The following COX7B2 variants were observed in gnomAD, a reference collection of about 807,000 sequenced individuals.
The protein encoded by COX7B2 is cytochrome c oxidase subunit 7B2, also known as cytochrome c oxidase subunit 7B2, mitochondrial.
For synonymous variants in COX7B2, 37 were observed against 32.1 expected (o/e 1.15, Z -0.51); for missense variants, 109 against 95.9 (o/e 1.14, Z -0.57).
chr4:46,821,915 T>G (rs555804548), intron 2 of COX7B2, among the ~76,000 whole-genome samples: 1 of 152,154 alleles, frequency 6.6e-6, no homozygotes, highest in East Asian at 1.9e-4. Context: ...GTTTTGTTTG[T>G]TTGTTTGTTT....
intron 2 of COX7B2, among the ~76,000 whole-genome samples, chr4:46,834,948 C>A (rs748358282): frequency 2.0e-5 from 3 of 151,880 alleles, no homozygotes; most frequent in Non-Finnish European, 4.4e-5. Flanking sequence ...ACAAAAAAAT[C>A]CCTTGAAAGC....
At position 46,789,497 on chromosome 4, in the gene COX7B2, C is replaced by T. The variant is rs548449433; in HGVS notation, c.-49-54256G>A. 1.2e-4 allele frequency among the ~76,000 whole-genome samples: 19 copies of T among 152,268 alleles called. No homozygotes were observed. In the South Asian group the frequency reaches 3.7e-3, roughly 30 times the overall value. On this transcript the variant is annotated intron_variant, in intron 2 of 2. Transcript: ENST00000355591. ...GTCTGTTAATTTCATTGATCTACCA[C>T]TGCTCACGATTACCGTGGAAATCCA...
At chr4:46,780,470 T>C (rs755462489) in intron 2 of COX7B2, among the ~76,000 whole-genome samples, 1 of 152,106 alleles carries the variant, frequency 6.6e-6, no homozygotes, top group Non-Finnish European at 1.5e-5. Flanking sequence ...TGAGCCAAGA[T>C]CGTGCCACTG....
intron 2 of COX7B2, among the ~76,000 whole-genome samples, chr4:46,779,529 T>C (rs532528434): frequency 1.3e-5 from 2 of 152,302 alleles, no homozygotes; most frequent in South Asian, 2.1e-4. Flanking sequence ...TTCATTTCCT[T>C]TGGGTATAGA....
chr4:46,803,964 G>A (rs1483339142), intron 2 of COX7B2, among the ~76,000 whole-genome samples: 1 of 152,144 alleles, frequency 6.6e-6, no homozygotes, highest in African/African-American at 2.4e-5. Context: ...CAAGAATGAA[G>A]CTGCGGACCC....
At chr4:46,876,388 G>A in intron 1 of COX7B2, among the ~76,000 whole-genome samples, 1 of 150,802 alleles carries the variant, frequency 6.6e-6, no homozygotes, top group Non-Finnish European at 1.5e-5. Context: ...TTCAAACACA[G>A]AGTCCGTCCT....
intron 2 of COX7B2, among the ~76,000 whole-genome samples, chr4:46,836,321 T>C (rs1453566710): frequency 1.3e-5 from 2 of 152,122 alleles, no homozygotes; most frequent in Non-Finnish European, 2.9e-5. Flanking sequence ...TTTTATATCC[T>C]TATTCTATAC....
intron 2 of COX7B2, among the ~76,000 whole-genome samples, chr4:46,837,516 G>T (rs995890979): frequency 6.6e-6 from 1 of 152,000 alleles, no homozygotes; most frequent in Non-Finnish European, 1.5e-5. Flanking sequence ...TGTTGGGAAG[G>T]TAGGAATGGG....
intron 2 of COX7B2, among the ~76,000 whole-genome samples, chr4:46,826,973 T>C (rs535896678): frequency 6.7e-4 from 102 of 152,204 alleles, no homozygotes; most frequent in African/African-American, 2.2e-3. Context: ...ATTCACTGAA[T>C]ATGACCAAAT....
In COX7B2 at chr4:46,844,982, A is replaced by C. The variant is rs1560416059; in HGVS notation, c.-72T>G. 1 of 151,974 alleles carries C rather than the reference A, an allele frequency of 6.6e-6. No individual in the cohort carries two copies. The highest frequency in any genetic ancestry group is 1.5e-5 in the Non-Finnish European group (1 of 67,936). 9.4% of individuals were successfully genotyped at this position (151,974 alleles called of 1,614,324 possible). The stretch of plus-strand genomic sequence containing the variant: ...TACCTGTTAGAAATCTGAAGCTCAA[A>C]TGCTCTCCTCAGAAAGTTTCAGATT... On this transcript the variant is annotated 5_prime_UTR_variant, in exon 2 of 3. Coordinates refer to ENST00000355591, the MANE Select transcript of COX7B2 (RefSeq NM_130902.3).
rs1027144943 is a variant in COX7B2 at position 46,760,524 on chromosome 4, G to A, written c.-49-25283C>T. Among the ~76,000 whole-genome samples, 9 of 151,986 alleles carry A rather than the reference G, an allele frequency of 5.9e-5. No homozygotes were observed. The South Asian group carries it at 6.2e-4, about 11-fold the overall frequency. ...TTGAACAATGAGAACACATGGACACGGAGGGGCAGGGTATCACACACTGGG... is the reference window on the plus strand; with the variant it reads ...TTGAACAATGAGAACACATGGACACAGAGGGGCAGGGTATCACACACTGGG... On this transcript the variant is annotated intron_variant, in intron 2 of 2. Coordinates refer to ENST00000355591, the MANE Select transcript of COX7B2 (RefSeq NM_130902.3).
chr4:46,772,518 T>G (rs1716932924), intron 2 of COX7B2, among the ~76,000 whole-genome samples: 1 of 152,136 alleles, frequency 6.6e-6, no homozygotes, highest in Admixed American at 6.6e-5. Flanking sequence ...TATTTCACAA[T>G]GTACACATAA....
intron 2 of COX7B2, among the ~76,000 whole-genome samples, chr4:46,836,507 G>C (rs1211076747): frequency 6.6e-6 from 1 of 151,634 alleles, no homozygotes; most frequent in Non-Finnish European, 1.5e-5. Context: ...AACACACATA[G>C]AGCTGTCATC....
chr4:46,855,793 A>AT (rs1170671121), intron 1 of COX7B2, among the ~76,000 whole-genome samples: 2 of 152,186 alleles, frequency 1.3e-5, no homozygotes, highest in African/African-American at 4.8e-5. Context: ...TTAAGTATTT[A>AT]AATACATGAA....
intron 2 of COX7B2, among the ~76,000 whole-genome samples, chr4:46,787,168 G>A (rs1425424956): frequency 2.0e-5 from 3 of 152,144 alleles, no homozygotes; most frequent in Non-Finnish European, 4.4e-5. Context: ...AATATGATAG[G>A]CAGGTGCGGT....
At chr4:46,842,841 G>A (rs1182747443) in intron 2 of COX7B2, among the ~76,000 whole-genome samples, 1 of 152,042 alleles carries the variant, frequency 6.6e-6, no homozygotes, top group African/African-American at 2.4e-5. Context: ...TTGCTATTGT[G>A]AATAGTGCTG....
intron 1 of COX7B2, among the ~76,000 whole-genome samples, chr4:46,845,610 C>A (rs1177434286): frequency 1.3e-5 from 2 of 151,710 alleles, no homozygotes; most frequent in African/African-American, 2.4e-5. Context: ...CAGAAAGTCC[C>A]ACCCAAAAAG....
chr4:46,879,502 A>G (rs1718569190), intron 1 of COX7B2, among the ~76,000 whole-genome samples: 1 of 151,346 alleles, frequency 6.6e-6, no homozygotes, highest in South Asian at 2.1e-4. Flanking sequence ...TCAGCCTCCT[A>G]AAGTGCTGAG....
chr4:46,765,233 G>A (rs756523570), intron 2 of COX7B2, among the ~76,000 whole-genome samples: 9 of 152,188 alleles, frequency 5.9e-5, no homozygotes, highest in East Asian at 1.9e-4. Context: ...AAGAAAAGAC[G>A]CACTGAAGAG....
Sources: allele counts gnomAD v4.1 joint callset (sites outside exome capture counted in the v4.1 genomes callset), GRCh38; gene constraint gnomAD v4.1.1; transcripts MANE v1.5; gene names NCBI Gene and HGNC (gene_info 2026-07-23, HGNC 2026-07-21).